KRABD3: variants seen among roughly 807,000 people sequenced by gnomAD.
The protein encoded by KRABD3 is KRAB domain-containing protein 3.
At chr7:149,722,635 C>T in the KRABD3 span, 1 of 1,508,532 alleles carries the variant, frequency 6.6e-7, no homozygotes, top group African/African-American at 1.4e-5. Flanking sequence ...GCTCCGCCGC[C>T]TGGGCCTGGT....
the KRABD3 span, chr7:149,724,021 G>A: frequency 1.1e-6 from 1 of 938,366 alleles, no homozygotes; most frequent in African/African-American, 1.7e-5. Context: ...GGATCCGGAT[G>A]CGGGGGATCC....
At chr7:149,730,905 A>G in the KRABD3 span, among the ~76,000 whole-genome samples, 2 of 152,226 alleles carry the variant, frequency 1.3e-5, no homozygotes, top group Non-Finnish European at 2.9e-5. Context: ...AATCAATAAC[A>G]AAAGTCTCAA....
At chr7:149,733,668 G>A in the KRABD3 span, 1 of 1,587,532 alleles carries the variant, frequency 6.3e-7, no homozygotes, top group Non-Finnish European at 8.6e-7. Context: ...GGACTCTCCA[G>A]AGGGACCGCT....
chr7:149,719,576 C>G, the KRABD3 span: 5 of 1,603,160 alleles, frequency 3.1e-6, no homozygotes, highest in South Asian at 1.1e-5. The surrounding 1 kb of genome is among the most constrained non-coding windows in gnomAD (Gnocchi z 5.6). Context: ...CTTGGCCGTG[C>G]GGTTCTCGGA....
the KRABD3 span, chr7:149,720,084 C>A: frequency 6.4e-7 from 1 of 1,552,874 alleles, no homozygotes; most frequent in Non-Finnish European, 8.7e-7. Context: ...GAGGGAGCCA[C>A]GCTGATGAGG....
the KRABD3 span, among the ~76,000 whole-genome samples, chr7:149,717,165 G>T: frequency 2.0e-5 from 3 of 151,436 alleles, no homozygotes; most frequent in African/African-American, 7.3e-5. Flanking sequence ...GACCTGCCTT[G>T]CCAGCTCTGT....
the KRABD3 span, chr7:149,730,291 AAGG>A: frequency 1.3e-6 from 2 of 1,550,944 alleles, no homozygotes; most frequent in Non-Finnish European, 1.7e-6. Context: ...AGCGGCTCTG[AAGG>A]AGAAGACCCG....
the KRABD3 span, chr7:149,724,811 G>C: frequency 6.3e-7 from 1 of 1,598,818 alleles, no homozygotes; most frequent in Non-Finnish European, 8.5e-7. Context: ...GGAGACACCA[G>C]AGGGGTCCCC....
chr7:149,721,005 G>A, the KRABD3 span: 75 of 1,612,510 alleles, frequency 4.7e-5, no homozygotes, highest in Admixed American at 1.7e-5. Flanking sequence ...GTCAGACAGT[G>A]GGGCAGTGCA....
At chr7:149,728,764 G>C in the KRABD3 span, 1 of 1,405,648 alleles carries the variant, frequency 7.1e-7, no homozygotes, top group South Asian at 1.3e-5. Flanking sequence ...ATCTGCTCCT[G>C]AGCCAACATG....
the KRABD3 span, chr7:149,734,243 T>A: frequency 1.5e-6 from 1 of 662,074 alleles, no homozygotes; most frequent in Non-Finnish European, 2.5e-6. Context: ...TGGGGGTGCC[T>A]TCCTCAGCCT....
the KRABD3 span, among the ~76,000 whole-genome samples, chr7:149,718,795 G>A: frequency 9.8e-5 from 15 of 152,300 alleles, no homozygotes; most frequent in African/African-American, 1.9e-4. Flanking sequence ...GATTACAGGC[G>A]TGAGCCACCA....
chr7:149,733,129 C>G, the KRABD3 span: 3 of 1,505,472 alleles, frequency 2.0e-6, no homozygotes, highest in South Asian at 2.6e-5. Flanking sequence ...ACTGAGCGCC[C>G]TTGGTTCATG....
chr7:149,733,742 T>G, the KRABD3 span: 48 of 1,585,594 alleles, frequency 3.0e-5, no homozygotes, highest in Admixed American at 8.9e-5. Context: ...CCACTGCAGC[T>G]CTTCCCAGCA....
the KRABD3 span, chr7:149,714,999 C>T: frequency 2.5e-6 from 3 of 1,218,828 alleles, no homozygotes; most frequent in Non-Finnish European, 3.1e-6. Flanking sequence ...GTCGCGTGCG[C>T]CCGCGCCAGG....
At chr7:149,730,417 T>G in the KRABD3 span, 1 of 1,581,040 alleles carries the variant, frequency 6.3e-7, no homozygotes, top group East Asian at 2.3e-5. Flanking sequence ...CAGCTTTGTT[T>G]GTGACGTTAG....
chr7:149,724,895 G>A, the KRABD3 span: 1 of 1,456,700 alleles, frequency 6.9e-7, no homozygotes, highest in Non-Finnish European at 9.1e-7. Context: ...CCATGGGCTT[G>A]TCAGTCCCTG....
the KRABD3 span, chr7:149,731,763 A>T: frequency 6.2e-7 from 1 of 1,610,334 alleles, no homozygotes; most frequent in South Asian, 1.1e-5. Context: ...GACATGGAAG[A>T]CCCAGAGTTG....
chr7:149,729,757 C>G, the KRABD3 span: 3 of 985,266 alleles, frequency 3.0e-6, no homozygotes, highest in Non-Finnish European at 3.6e-6. Context: ...TCCCATCAGA[C>G]GAGGATGGGC....
Sources: gnomAD v4.1 joint callset for allele counts (sites outside exome capture counted in the v4.1 genomes callset) on GRCh38, gnomAD v4.1.1 for gene constraint, Gnocchi (gnomAD v3.1) non-coding constraint, MANE v1.5 for transcripts, NCBI Gene and HGNC (gene_info 2026-07-23, HGNC 2026-07-21) for gene names.